The following TDRD9 variants were observed in gnomAD, a reference collection of about 807,000 sequenced individuals.
The protein encoded by TDRD9 is tudor domain containing 9.
Under a neutral mutation model 172.6 loss-of-function variants are expected in TDRD9, and 124 were observed. The ratio of observed to expected loss-of-function variants is 0.72; its 90% CI spans 0.62 to 0.83. The LOEUF (loss-of-function observed/expected upper bound fraction) is 0.83, where lower values mean the gene tolerates loss of function less well. TDRD9 is among the 40% of genes least tolerant of loss of function. TDRD9 has a pLI of 0.00. For missense variants in TDRD9, 1,479 were observed against 1,714.1 expected, an observed-to-expected ratio of 0.86 and a Z score of 2.42; for synonymous variants, 619 against 617.1, an observed-to-expected ratio of 1.00 and a Z score of -0.05.
chr14:103,963,617 A>G (rs980608398), intron 3 of TDRD9, among the ~76,000 whole-genome samples: 98 of 152,352 alleles, frequency 6.4e-4, no homozygotes, highest in Admixed American at 9.8e-4. Flanking sequence ...AATGTAATCA[A>G]TCATTGACAT....
intron 8 of TDRD9, among the ~76,000 whole-genome samples, chr14:103,987,886 A>G (rs1052480186): frequency 3.3e-5 from 5 of 152,112 alleles, no homozygotes; most frequent in East Asian, 1.9e-4. Flanking sequence ...TATTTCTTCA[A>G]TCTTTTCTGT....
At position 104,006,491 on chromosome 14, in the gene TDRD9, C is replaced by T. The variant is rs753079540; in HGVS notation, c.1816C>T (p.Gln606Ter). 1.2e-6 allele frequency: 2 copies of T among 1,613,720 alleles called. No homozygotes were observed. Among genetic ancestry groups the T allele is most frequent in the East Asian group, 2.2e-5 (1 of 44,874 alleles). Residue 606 changes from glutamine to a stop codon, truncating the protein, a stop_gained, in exon 16 of 36, where the codon CAA becomes TAA. Transcript: ENST00000409874. LOFTEE classifies it high-confidence loss of function. ...TTTAGCCCAACTTCCTGTAAATCAG[C>T]AACTTGGTAAACTCATAGTCCTTGG... is the stretch of plus-strand genomic sequence containing the variant. Reference protein sequence around the residue: ...RVLAQLPVNQQLGKLIVLGHV... With the variant: ...RVLAQLPVNQ
At chr14:103,998,583 T>C in intron 12 of TDRD9, 41 bp from the exon 13 acceptor site, 2 of 1,046,456 alleles carry the variant, frequency 1.9e-6, no homozygotes, top group Non-Finnish European at 3.0e-6. Flanking sequence ...CAATGATCTC[T>C]TATTAGCATG....
chr14:104,030,070 A>G (rs2035235911), intron 28 of TDRD9, among the ~76,000 whole-genome samples: 1 of 152,170 alleles, frequency 6.6e-6, no homozygotes, highest in Non-Finnish European at 1.5e-5. Context: ...TCTGTATTTA[A>G]TTTATATAAA....
At chr14:103,973,413 C>A (rs747455467) in intron 6 of TDRD9, among the ~76,000 whole-genome samples, 1 of 152,214 alleles carries the variant, frequency 6.6e-6, no homozygotes, top group African/African-American at 2.4e-5. Flanking sequence ...CCCGACCTGG[C>A]TTCCTCTCAC....
chr14:103,998,682 T>C lies in TDRD9; in HGVS notation c.1437T>C (p.Ser479=), dbSNP rs145952013. ...LVCDEDTNYQ[S]LRLSWASKTS... ...GTGATGAAGATACAAATTATCAGAG[T>C]CTGCGATTGAGTTGGGCTTCTAAAA... Residue 479 remains serine (S), a synonymous_variant, in exon 13 of 36, where the codon AGT becomes AGC. Transcript: ENST00000409874. 2.5e-6 allele frequency: 4 copies of C among 1,611,510 alleles called. No homozygotes were observed. Among genetic ancestry groups the C allele is most frequent in the Admixed American group, 1.7e-5 (1 of 59,966 alleles).
At chr14:103,944,104 C>T (rs1196908962) in intron 1 of TDRD9, among the ~76,000 whole-genome samples, 1 of 149,128 alleles carries the variant, frequency 6.7e-6, no homozygotes, top group South Asian at 2.1e-4. Flanking sequence ...GAAATGGTAA[C>T]AAAAATATCA....
At chr14:103,969,480 A>G (rs779885120) in intron 5 of TDRD9, among the ~76,000 whole-genome samples, 8 of 152,226 alleles carry the variant, frequency 5.3e-5, no homozygotes, top group Non-Finnish European at 1.2e-4. Flanking sequence ...AAGTGACAGC[A>G]TGAGATTTAT....
intron 14 of TDRD9, 146 bp downstream of exon 14, chr14:104,004,481 C>T (rs575384417): frequency 2.3e-4 from 106 of 461,286 alleles, no homozygotes; most frequent in Middle Eastern, 1.2e-3. Context: ...CGGGTTTACG[C>T]GATTCTGCTG....
In TDRD9 at chr14:103,970,510, T is replaced by C. The variant is rs150536275; in HGVS notation, c.766-31T>C. 530 of 1,522,426 alleles carry C rather than the reference T, an allele frequency of 3.5e-4. 2 individuals are homozygous for C. In the African/African-American group the frequency reaches 6.6e-3, roughly 19 times the overall value. 94.3% of individuals were successfully genotyped at this position (1,522,426 alleles called of 1,614,324 possible). Reference sequence around the variant, plus strand: ...GTGTCATGTGTGTTGCCTGATGCCATGTGGGGGGTGCCCCCTTTTTTATTT... The same window carrying C: ...GTGTCATGTGTGTTGCCTGATGCCACGTGGGGGGTGCCCCCTTTTTTATTT... On this transcript the variant is annotated intron_variant, in intron 5 of 35. Transcript: ENST00000409874.
intron 32 of TDRD9, among the ~76,000 whole-genome samples, chr14:104,038,179 G>A (rs919318072): frequency 2.0e-5 from 3 of 152,126 alleles, no homozygotes; most frequent in African/African-American, 7.2e-5. Flanking sequence ...CTGGGAAGAT[G>A]GTGCTTCTGA....
intron 23 of TDRD9, among the ~76,000 whole-genome samples, chr14:104,019,734 C>T (rs554100810): frequency 3.3e-5 from 5 of 152,192 alleles, no homozygotes; most frequent in African/African-American, 4.8e-5. Flanking sequence ...CAGGTGGTAC[C>T]TGGGCATATC....
intron 34 of TDRD9, among the ~76,000 whole-genome samples, chr14:104,045,130 C>T (rs2035728740): frequency 2.7e-5 from 4 of 147,664 alleles, no homozygotes; most frequent in Admixed American, 2.1e-4. Context: ...GTGACAACAG[C>T]GAAACTCTAT....
chr14:103,952,086 T>TA (rs1471326582), intron 1 of TDRD9, among the ~76,000 whole-genome samples: 1 of 148,532 alleles, frequency 6.7e-6, no homozygotes, highest in East Asian at 2.0e-4. Flanking sequence ...AAATATTTTT[T>TA]AAAAAAAGTA....
At chr14:103,999,684 TACTAAAATACTAAATACA>T (rs2034194299) in intron 13 of TDRD9, among the ~76,000 whole-genome samples, 1 of 114,284 alleles carries the variant, frequency 8.8e-6, no homozygotes, top group Non-Finnish European at 1.9e-5. Context: ...ATTTCAAGAA[TACTAAAATACTAAATACA>T]CCCCCCAAAA....
chr14:103,961,278 T>C (rs1461458456), intron 2 of TDRD9, among the ~76,000 whole-genome samples: 1 of 152,138 alleles, frequency 6.6e-6, no homozygotes, highest in Non-Finnish European at 1.5e-5. Context: ...GTTAGGCTGA[T>C]TAGAAGATTA....
At chr14:103,976,279 CT>C (rs1187592756) in intron 7 of TDRD9, among the ~76,000 whole-genome samples, 17 of 143,994 alleles carry the variant, frequency 1.2e-4, no homozygotes, top group South Asian at 4.4e-4. Flanking sequence ...TCTTTTTTTT[CT>C]TTTTTTTTTT....
rs373064011 is a variant in TDRD9 at position 104,024,596 on chromosome 14, G to A, written c.2634G>A (p.Thr878=). 9.9e-6 allele frequency: 16 copies of A among 1,610,906 alleles called. No individual in the cohort carries two copies. The highest frequency in any genetic ancestry group is 4.0e-5 in the African/African-American group (3 of 74,780). ...TRVNVDFQKQ[T]VDPMQVSFNT... ...TGAATGTGGACTTCCAGAAGCAGACGGTAGATCCTATGCAAGTCTCCTTTA... is the reference window on the plus strand; with the variant it reads ...TGAATGTGGACTTCCAGAAGCAGACAGTAGATCCTATGCAAGTCTCCTTTA... The change falls in exon 25 of 36, where the codon ACG becomes ACA. Residue 878 remains threonine, a synonymous_variant. Coordinates refer to ENST00000409874, the MANE Select transcript of TDRD9 (RefSeq NM_153046.3).
chr14:103,937,519 C>A (rs1012203254), intron 1 of TDRD9, among the ~76,000 whole-genome samples: 1 of 152,190 alleles, frequency 6.6e-6, no homozygotes, highest in Non-Finnish European at 1.5e-5. Flanking sequence ...TTTTAACCTT[C>A]TCCAAGTACT....
Sources: allele counts gnomAD v4.1 joint callset (sites outside exome capture counted in the v4.1 genomes callset), GRCh38; gene constraint gnomAD v4.1.1; transcripts MANE v1.5; gene names NCBI Gene and HGNC (gene_info 2026-07-23, HGNC 2026-07-21).